MORN1: variants seen among roughly 807,000 people sequenced by gnomAD.
The protein encoded by MORN1 is MORN repeat-containing protein 1.
A neutral mutation model predicts 61.9 loss-of-function variants in MORN1; 67 were observed. The ratio of observed to expected loss-of-function variants is 1.08; its 90% CI spans 0.89 to 1.33. The LOEUF (loss-of-function observed/expected upper bound fraction) is 1.33, where lower values mean the gene tolerates loss of function less well. Among genes scored for constraint, MORN1 ranks in the 40% most tolerant of loss-of-function variants. MORN1 has a pLI of 0.00. For missense variants in MORN1, 752 were observed against 691.2 expected (o/e 1.09, Z -0.99); for synonymous variants, 301 against 292.0 (o/e 1.03, Z -0.31).
rs1464400414 is a variant in MORN1 at position 2,342,379 on chromosome 1, G to A, written c.1037-5529C>T. On this transcript the variant is annotated intron_variant, in intron 10 of 13. Coordinates refer to ENST00000378531, the MANE Select transcript of MORN1 (RefSeq NM_024848.3). ...GACCTGGCCAGGGGGAGGGCAGGCCGAAGCAGAAACGTTGACTTCGTTTAA... is the reference window on the plus strand; with the variant it reads ...GACCTGGCCAGGGGGAGGGCAGGCCAAAGCAGAAACGTTGACTTCGTTTAA... Among the ~76,000 whole-genome samples the A allele has an allele frequency of 5.2e-5, 8 of 152,386 alleles. No individual in the cohort carries two copies. In the South Asian group the frequency reaches 1.2e-3, roughly 24 times the overall value.
chr1:2,371,723 C>T (rs1570014955), intron 8 of MORN1: 1 of 153,646 alleles, frequency 6.5e-6, no homozygotes, highest in East Asian at 1.9e-4. Context: ...ACCAGCCTGA[C>T]CAACATGGCG....
At position 2,388,292 on chromosome 1, in the gene MORN1, G is replaced by A. The variant is rs144398925; in HGVS notation, c.194C>T (p.Ala65Val). 16 of 1,613,928 alleles carry A rather than the reference G, an allele frequency of 9.9e-6. No homozygotes were observed. Among genetic ancestry groups the A allele is most frequent in the Admixed American group, 8.3e-5 (5 of 60,014 alleles). The stretch of plus-strand genomic sequence containing the variant: ...TCCCGTGATCTCTCCGTCCACAAAC[G>A]CCCCTTCGTAATAACTGCCATCTTT... ...LFKDGSYYEG[A>V]FVDGEITGEG... is the part of the protein sequence containing the mutation. Residue 65 changes from alanine to valine, a missense_variant, in exon 3 of 14, where the codon GCG becomes GTG. Transcript: ENST00000378531.
chr1:2,373,911 G>A (rs771770416), intron 7 of MORN1, among the ~76,000 whole-genome samples: 2 of 152,352 alleles, frequency 1.3e-5, no homozygotes, highest in South Asian at 2.1e-4. Flanking sequence ...CAGGTGCCCC[G>A]GCGCAGGGCC....
intron 6 of MORN1, among the ~76,000 whole-genome samples, chr1:2,382,184 G>C (rs981627740): frequency 2.0e-5 from 3 of 152,200 alleles, no homozygotes; most frequent in African/African-American, 7.2e-5. Flanking sequence ...GCCCAGGCCG[G>C]AGGGGATGGC....
intron 8 of MORN1, chr1:2,371,391 A>C (rs1162345116): frequency 6.6e-6 from 1 of 152,226 alleles, no homozygotes; most frequent in East Asian, 1.9e-4. Context: ...TCCAAAGAAG[A>C]TAAACAAACA....
chr1:2,336,761 G>C lies in MORN1; in HGVS notation c.1126C>G (p.Pro376Ala), dbSNP rs1641288851. ...AACAGGAAGGGGTGGTACCCAGGCG[G>C]GGGCGGCCCCAGGAGGACATCTGTG... ...EFTDVLLGPP[P>A]PGYHPFLFLD... The change falls in exon 11 of 14, where the codon CCG (proline) becomes GCG (alanine). Residue 376 changes from proline to alanine, a missense_variant. Transcript: ENST00000378531. The C allele has an allele frequency of 6.2e-6, 10 of 1,602,772 alleles. No individual in the cohort carries two copies. Among genetic ancestry groups the C allele is most frequent in the Non-Finnish European group, 7.7e-6 (9 of 1,175,076 alleles).
chr1:2,357,460 G>T lies in MORN1; in HGVS notation c.1008C>A (p.Gly336=). 1.2e-6 allele frequency: 2 copies of T among 1,611,620 alleles called. No individual in the cohort carries two copies. The highest frequency in any genetic ancestry group is 1.7e-6 in the Non-Finnish European group (2 of 1,179,044). ...DLELHLGALH[G]QEDTPGGLLA... ...GCAGGCCACCAGGGGTGTCCTCCTG[G>T]CCATGGAGGGCACCCAAATGCAGCT... Residue 336 remains glycine (G), a synonymous_variant, in exon 10 of 14, where the codon GGC becomes GGA. Coordinates refer to ENST00000378531, the MANE Select transcript of MORN1 (RefSeq NM_024848.3). The surrounding 1 kb of genome is among the most constrained non-coding windows in gnomAD (Gnocchi z 6.3).
intron 8 of MORN1, among the ~76,000 whole-genome samples, chr1:2,361,443 A>G (rs1322389987): frequency 6.6e-6 from 1 of 152,104 alleles, no homozygotes; most frequent in African/African-American, 2.4e-5. Flanking sequence ...CTGTCATCCC[A>G]GCTACTTGGG....
chr1:2,335,828 T>TAGCCCAGCCCGGCCC (rs1553208711), intron 12 of MORN1, among the ~76,000 whole-genome samples: 2 of 143,014 alleles, frequency 1.4e-5, no homozygotes, highest in Admixed American at 6.7e-5. Context: ...CTCGCCTCCA[T>TAGCCCAGCCCGGCCC]AGCCCAGCCC....
intron 10 of MORN1, among the ~76,000 whole-genome samples, chr1:2,348,733 ACACC>A (rs1641578494): frequency 1.6e-5 from 2 of 128,710 alleles, no homozygotes; most frequent in African/African-American, 6.2e-5. Flanking sequence ...ACGCACACGC[ACACC>A]TGCGCGGGCA....
At chr1:2,323,174 C>T (rs1640922203) in intron 13 of MORN1, 1 of 985,414 alleles carries the variant, frequency 1.0e-6, no homozygotes, top group Non-Finnish European at 1.2e-6. Context: ...GTGAGGGCTG[C>T]TGTGGGACCA....
chr1:2,370,238 A>G lies in MORN1; in HGVS notation c.745+2243T>C, dbSNP rs183810452. ...TTCAACCAAGGTGCCAGGGCAACTC[A>G]ACGGCAAAAGGACGGTGTTCTCAAC... On this transcript the variant is annotated intron_variant, in intron 8 of 13. Coordinates refer to ENST00000378531, the MANE Select transcript of MORN1 (RefSeq NM_024848.3). Among the ~76,000 whole-genome samples the G allele has an allele frequency of 1.6e-4, 25 of 152,356 alleles. No homozygotes were observed. The East Asian group carries it at 4.0e-3, about 25-fold the overall frequency.
intron 12 of MORN1, among the ~76,000 whole-genome samples, chr1:2,333,412 G>C (rs917208320): frequency 2.6e-5 from 4 of 152,224 alleles, no homozygotes; most frequent in African/African-American, 9.6e-5. Flanking sequence ...GTGAGTGAGT[G>C]ACAGCTGAGT....
At chr1:2,387,822 G>T (rs1642542316) in intron 3 of MORN1, 1 of 448,482 alleles carries the variant, frequency 2.2e-6, no homozygotes, top group Admixed American at 3.5e-5. Context: ...TTTTTCCCTG[G>T]CTCTTTAAAA....
chr1:2,381,277 C>T (rs979520553), intron 6 of MORN1, among the ~76,000 whole-genome samples: 3 of 152,370 alleles, frequency 2.0e-5, no homozygotes, highest in South Asian at 2.1e-4. Context: ...CTTTTGGCCT[C>T]GGGCGCCCTT....
At chr1:2,322,571 G>A (rs1640906608) in intron 13 of MORN1, 7 of 985,194 alleles carry the variant, frequency 7.1e-6, no homozygotes, top group African/African-American at 3.5e-5. Context: ...AAAAAAACAC[G>A]GTTCTGGGGG....
At chr1:2,341,427 GGCTCATGCCTGTCCCA>G (rs1315261884) in intron 10 of MORN1, among the ~76,000 whole-genome samples, 1 of 152,204 alleles carries the variant, frequency 6.6e-6, no homozygotes, top group East Asian at 1.9e-4. Flanking sequence ...CGGGCGTGGT[GGCTCATGCCTGTCCCA>G]GCACTTCGGG....
intron 12 of MORN1, 59 bp from the exon 13 acceptor site, chr1:2,324,202 A>G (rs1640947399): frequency 2.0e-6 from 3 of 1,527,438 alleles, no homozygotes; most frequent in South Asian, 1.2e-5. Flanking sequence ...ACGACATGGC[A>G]TCCCTGACCT....
chr1:2,384,226 G>A (rs897827872), intron 6 of MORN1, among the ~76,000 whole-genome samples: 6 of 152,156 alleles, frequency 3.9e-5, no homozygotes, highest in East Asian at 1.9e-4. Context: ...TGCTCAGACC[G>A]AAAGCTCAGG....
Sources: gnomAD v4.1 joint callset for allele counts (sites outside exome capture counted in the v4.1 genomes callset) on GRCh38, gnomAD v4.1.1 for gene constraint, Gnocchi (gnomAD v3.1) non-coding constraint, MANE v1.5 for transcripts, NCBI Gene and HGNC (gene_info 2026-07-23, HGNC 2026-07-21) for gene names.